TAP1: variants seen among roughly 807,000 people sequenced by gnomAD.
TAP1 encodes the protein antigen peptide transporter 1.
A neutral mutation model predicts 79.3 loss-of-function variants in TAP1; 56 were observed. That is an observed-to-expected ratio of 0.71 (90% confidence interval 0.57 to 0.88). The LOEUF (loss-of-function observed/expected upper bound fraction) is 0.88. Ranked by LOEUF, TAP1 falls within the 40% of genes least tolerant of loss-of-function variation. TAP1 has a pLI of 0.00. For missense variants in TAP1, 737 were observed against 936.3 expected (o/e 0.79, Z 2.78); for synonymous variants, 355 against 401.4 (o/e 0.88, Z 1.38).
chr6:32,849,461 G>A (rs1770649735), intron 5 of TAP1: 2 of 381,048 alleles, frequency 5.2e-6, no homozygotes, highest in Non-Finnish European at 9.9e-6. Context: ...GAAACAACCA[G>A]TCGGGCGCAG....
At position 32,852,736 on chromosome 6, in the gene TAP1, T is replaced by C. The variant is rs1485657031; in HGVS notation, c.599-234A>G. ...ATTAGGAAGGCTGGAGATCATGAAG[T>C]AGAAAAGCCTCCTGTTAGAGATGAG... On this transcript the variant is annotated intron_variant, in intron 1 of 10. Coordinates refer to ENST00000354258, the MANE Select transcript of TAP1 (RefSeq NM_000593.6). This position sits in a 1 kb window ranked among gnomAD's most constrained non-coding sequence, Gnocchi z 4.8. 3 of 1,447,206 alleles carry C rather than the reference T, an allele frequency of 2.1e-6. No homozygotes were observed. The highest frequency in any genetic ancestry group is 2.7e-6 in the Non-Finnish European group (3 of 1,107,910). The allele number at this position is 1,447,206 out of a possible 1,614,324, so 89.6% of individuals were successfully genotyped here.
Position 32,851,047 on chromosome 6 carries a change from A to G in TAP1, c.947T>C (p.Leu316Pro). 6.2e-7 allele frequency: 1 copy of G among 1,613,062 alleles called. No homozygotes were observed. Among genetic ancestry groups the G allele is most frequent in the Non-Finnish European group, 8.5e-7 (1 of 1,180,030 alleles). The change falls in exon 4 of 11, where the codon CTC becomes CCC. Residue 316 changes from leucine to proline, a missense_variant. Leu to Pro is a moderately conservative substitution (Grantham distance 98). Around this residue, in one of 5 missense-constraint regions of TAP1, gnomAD observed 406 missense variants for 477.2 expected, o/e 0.85. Transcript: ENST00000354258. This position sits in a 1 kb window ranked among gnomAD's most constrained non-coding sequence, Gnocchi z 4.8. The stretch of plus-strand genomic sequence containing the variant: ...TGATCCCCAGAGCATGATCCCCAAG[A>G]GACATAGGCCTCGCACCAGGTACCA... ...FLWYLVRGLCLLGIMLWGSVS... is the reference protein window; with the variant it reads ...FLWYLVRGLCPLGIMLWGSVS...
At position 32,849,048 on chromosome 6, in the gene TAP1, C is replaced by T; in HGVS notation, c.1319G>A (p.Ser440Asn). The T allele has an allele frequency of 6.2e-7, 1 of 1,604,924 alleles. No homozygotes were observed. Among genetic ancestry groups the T allele is most frequent in the African/African-American group, 1.3e-5 (1 of 74,994 alleles). Reference sequence around the variant, plus strand: ...AACAAATGTGACAAGGTTCCCACTGCTTACAGCCCCACTGGTCACCAGCTG... The same window carrying T: ...AACAAATGTGACAAGGTTCCCACTGTTTACAGCCCCACTGGTCACCAGCTG... Reference protein sequence around the residue: ...GGQLVTSGAVSSGNLVTFVLY... With the variant: ...GGQLVTSGAVNSGNLVTFVLY... Residue 440 changes from serine (S) to asparagine (N), a missense_variant, in exon 6 of 11, where the codon AGC (serine) becomes AAC (asparagine). Ser to Asn is a conservative substitution (Grantham distance 46, BLOSUM62 1). Transcript: ENST00000354258.
At position 32,850,020 on chromosome 6, in the gene TAP1, G is replaced by T. The variant is rs2395270; in HGVS notation, c.1248+300C>A. The T allele has an allele frequency of 0.032, 16,342 of 513,844 alleles. 343 individuals carry two copies. Among genetic ancestry groups the T allele is most frequent in the South Asian group, 0.059 (2,843 of 48,062 alleles). 31.8% of individuals were successfully genotyped at this position (513,844 alleles called of 1,614,324 possible). On this transcript the variant is annotated intron_variant, in intron 5 of 10. Transcript: ENST00000354258. This position sits in a 1 kb window ranked among gnomAD's most constrained non-coding sequence, Gnocchi z 5.5. ...AGTCCCAGGTGCAAGAATTTATGGC[G>T]CCCTGCACTTCCCCTGAGAGGCAAA...
rs1269998578 is a variant in TAP1 at position 32,852,907 on chromosome 6, A to G, written c.598+132T>C. On this transcript the variant is annotated intron_variant, in intron 1 of 10. Transcript: ENST00000354258. The surrounding 1 kb of genome is among the most constrained non-coding windows in gnomAD (Gnocchi z 4.8). The stretch of plus-strand genomic sequence containing the variant: ...TCTTCTACACCGAAGTGGTGTTCCA[A>G]GACCCACGCTAGGAGTCCTTCTCCT... 6.8e-7 allele frequency: 1 copy of G among 1,466,478 alleles called. No homozygotes were observed. The highest frequency in any genetic ancestry group is 9.0e-7 in the Non-Finnish European group (1 of 1,108,556). The allele number at this position is 1,466,478 out of a possible 1,614,324, so 90.8% of individuals were successfully genotyped here.
Position 32,852,910 on chromosome 6 carries a change from C to A in TAP1, c.598+129G>T, listed in dbSNP as rs1222616293. 15 of 1,468,842 alleles carry A rather than the reference C, an allele frequency of 1.0e-5. No homozygotes were observed. The highest frequency in any genetic ancestry group is 1.4e-5 in the Non-Finnish European group (15 of 1,109,480). The allele number at this position is 1,468,842 out of a possible 1,614,324, so 91.0% of individuals were successfully genotyped here. On this transcript the variant is annotated intron_variant, in intron 1 of 10. Transcript: ENST00000354258. The surrounding 1 kb of genome is among the most constrained non-coding windows in gnomAD (Gnocchi z 4.8). ...TCTACACCGAAGTGGTGTTCCAAGA[C>A]CCACGCTAGGAGTCCTTCTCCTGCT...
At position 32,845,815 on chromosome 6, in the gene TAP1, G is replaced by T; in HGVS notation, c.2041-30C>A. 1 of 1,592,180 alleles carries T rather than the reference G, an allele frequency of 6.3e-7. No homozygotes were observed. Among genetic ancestry groups the T allele is most frequent in the East Asian group, 2.2e-5 (1 of 44,714 alleles). ...GGAAAGACATCGGACCGTCAGAGCC[G>T]GGGACTACCCTCAGCCCAGGGAGAC... On this transcript the variant is annotated intron_variant, in intron 10 of 10. Coordinates refer to ENST00000354258, the MANE Select transcript of TAP1 (RefSeq NM_000593.6). This position sits in a 1 kb window ranked among gnomAD's most constrained non-coding sequence, Gnocchi z 4.5.
intron 7 of TAP1, 36 bp downstream of exon 7, chr6:32,848,616 T>C (rs1467106394): frequency 1.2e-6 from 2 of 1,609,974 alleles, no homozygotes; most frequent in African/African-American, 2.7e-5. Context: ...GAATTGCAGT[T>C]GGGGCCAGTG....
chr6:32,849,369 A>G (rs958292870), intron 5 of TAP1: 5 of 586,790 alleles, frequency 8.5e-6, no homozygotes, highest in African/African-American at 1.9e-5. Context: ...CTCTTCACAA[A>G]AGGCTTTCAT....
chr6:32,851,924 T>TGAGAGAGAGAGA lies in TAP1; in HGVS notation c.844+173_844+184dup, dbSNP rs35429362. Among the ~76,000 whole-genome samples the TGAGAGAGAGAGA allele has an allele frequency of 6.5e-4, 96 of 147,432 alleles. No homozygotes were observed. In the East Asian group the frequency reaches 0.017, roughly 27 times the overall value. On this transcript the variant is annotated intron_variant, in intron 3 of 10. Coordinates refer to ENST00000354258, the MANE Select transcript of TAP1 (RefSeq NM_000593.6). This position sits in a 1 kb window ranked among gnomAD's most constrained non-coding sequence, Gnocchi z 4.8. The stretch of plus-strand genomic sequence containing the variant: ...AAAAACAATTGTGTGTGTGTGTGTG[T>TGAGAGAGAGAGA]GAGAGAGAGAGAGAGAGAGACAGAG...
chr6:32,852,690 T>C lies in TAP1; in HGVS notation c.599-188A>G, dbSNP rs1169994079. On this transcript the variant is annotated intron_variant, in intron 1 of 10. Transcript: ENST00000354258. The surrounding 1 kb of genome is among the most constrained non-coding windows in gnomAD (Gnocchi z 4.8). ...GGAACTCACTACCCTGTGGTTGCTC[T>C]ACCAGAACTTTCAGGATTTTATTAG... 2 of 1,475,418 alleles carry C rather than the reference T, an allele frequency of 1.4e-6. No homozygotes were observed. Among genetic ancestry groups the C allele is most frequent in the Non-Finnish European group, 1.8e-6 (2 of 1,118,688 alleles). The allele number at this position is 1,475,418 out of a possible 1,614,324, so 91.4% of individuals were successfully genotyped here. A position where few individuals can be genotyped will look rare whatever the true frequency, so the allele number is the denominator to read the frequency against.
chr6:32,847,831 T>C lies in TAP1; in HGVS notation c.1740+88A>G, dbSNP rs547655534. On this transcript the variant is annotated intron_variant, in intron 8 of 10. Transcript: ENST00000354258. This position sits in a 1 kb window ranked among gnomAD's most constrained non-coding sequence, Gnocchi z 4.7. ...CATCTCCACCCAAGGTCTCTTATCA[T>C]TCCCTAACCCCTCTTTCAGAGTGCT... is the stretch of plus-strand genomic sequence containing the variant. 212 of 1,598,274 alleles carry C rather than the reference T, an allele frequency of 1.3e-4. 1 individual carries two copies. In the African/African-American group the frequency reaches 2.4e-3, roughly 18 times the overall value.
chr6:32,852,502 C>T lies in TAP1; in HGVS notation c.599G>A (p.Gly200Glu), dbSNP rs1770853173. 6.8e-6 allele frequency: 11 copies of T among 1,612,844 alleles called. No homozygotes were observed. The highest frequency in any genetic ancestry group is 9.3e-6 in the Non-Finnish European group (11 of 1,179,988). Residue 200 changes from glycine to glutamate, a missense_variant and splice_region_variant, in exon 2 of 11, where the codon GGG becomes GAG. This residue lies in a region of TAP1 where 406 missense variants were observed against 477.2 expected (regional missense o/e 0.85). Transcript: ENST00000354258. The surrounding 1 kb of genome is among the most constrained non-coding windows in gnomAD (Gnocchi z 4.8). ...CGTAAAGAATGGAATGGCCATCTCC[C>T]CTGGAGAAAGAGAAGAGAGGTCACG... ...FLVLVVLSSLGEMAIPFFTGR... is the reference protein window; with the variant it reads ...FLVLVVLSSLEEMAIPFFTGR...
chr6:32,853,475 C>A lies in TAP1; in HGVS notation c.162G>T (p.Leu54=). Residue 54 remains leucine, a synonymous_variant, in exon 1 of 11, where the codon CTG becomes CTT. Coordinates refer to ENST00000354258, the MANE Select transcript of TAP1 (RefSeq NM_000593.6). The surrounding 1 kb of genome is among the most constrained non-coding windows in gnomAD (Gnocchi z 8.3). ...TCAGGCCCACCGCCCAGACCCGGAG[C>A]AGTGGCAGCGCGGTGGGCACCAGCA... ...FSLLVPTALP[L]LRVWAVGLSR... is the part of the protein sequence containing the mutation. The A allele has an allele frequency of 6.2e-7, 1 of 1,610,342 alleles. No homozygotes were observed. Among genetic ancestry groups the A allele is most frequent in the Non-Finnish European group, 8.5e-7 (1 of 1,178,170 alleles).
chr6:32,845,852 CAGGG>C lies in TAP1; in HGVS notation c.2041-71_2041-68del. 7.1e-7 allele frequency: 1 copy of C among 1,412,932 alleles called. No homozygotes were observed. Among genetic ancestry groups the C allele is most frequent in the Non-Finnish European group, 9.8e-7 (1 of 1,021,988 alleles). 87.5% of individuals were successfully genotyped at this position (1,412,932 alleles called of 1,614,324 possible). ...CAGCCCAGGGAGACACCTGTGTTTC[CAGGG>C]CTGGGACTGACCTCACAGGATCACT... On this transcript the variant is annotated intron_variant, in intron 10 of 10. Transcript: ENST00000354258. This position sits in a 1 kb window ranked among gnomAD's most constrained non-coding sequence, Gnocchi z 4.5.
At position 32,852,093 on chromosome 6, in the gene TAP1, G is replaced by A. The variant is rs1171697678; in HGVS notation, c.844+16C>T. On this transcript the variant is annotated intron_variant, in intron 3 of 10. Transcript: ENST00000354258. The surrounding 1 kb of genome is among the most constrained non-coding windows in gnomAD (Gnocchi z 4.8). ...GAACAGTACATGGCGTATAATGAAA[G>A]AGTTTCAGGAGAAACCTGTCTGGTT... is the stretch of plus-strand genomic sequence containing the variant. The A allele has an allele frequency of 6.2e-7, 1 of 1,612,948 alleles. No individual in the cohort carries two copies. The highest frequency in any genetic ancestry group is 1.1e-5 in the South Asian group (1 of 91,076).
rs1482386415 is a variant in TAP1 at position 32,852,261 on chromosome 6, A to G, written c.714-22T>C. ...TGCACTATAAAGAACCCGGAAAAAA[A>G]GGGGATCAGGGTGTGTTCAGGGAAC... On this transcript the variant is annotated intron_variant, in intron 2 of 10. Transcript: ENST00000354258. This position sits in a 1 kb window ranked among gnomAD's most constrained non-coding sequence, Gnocchi z 4.8. The G allele has an allele frequency of 1.2e-6, 2 of 1,612,894 alleles. No homozygotes were observed. The highest frequency in any genetic ancestry group is 1.7e-6 in the Non-Finnish European group (2 of 1,180,010).
At chr6:32,849,199 G>A in intron 5 of TAP1, 81 bp from the exon 6 acceptor site, 1 of 1,517,622 alleles carries the variant, frequency 6.6e-7, no homozygotes, top group Non-Finnish European at 8.9e-7. Flanking sequence ...TAACCTGAAG[G>A]AAATATCAAG....
In TAP1 at chr6:32,847,177, G is replaced by A. The variant is rs896543919; in HGVS notation, c.1931C>T (p.Ser644Leu). The A allele has an allele frequency of 1.9e-6, 3 of 1,612,484 alleles. No homozygotes were observed. The highest frequency in any genetic ancestry group is 2.5e-6 in the Non-Finnish European group (3 of 1,180,030). The change falls in exon 10 of 11, where the codon TCA (serine) becomes TTA (leucine). Residue 644 changes from serine to leucine, a missense_variant. Transcript: ENST00000354258. The surrounding 1 kb of genome is among the most constrained non-coding windows in gnomAD (Gnocchi z 4.7). Reference protein sequence around the residue: ...TEVDEAGSQLSGGQRQAVALA... With the variant: ...TEVDEAGSQLLGGQRQAVALA... ...CGCCACTGCCTGTCGCTGACCCCCT[G>A]ACAGCTGGCTCCCAGCCTCGTCTAC...
Sources: gnomAD v4.1 joint callset for allele counts (sites outside exome capture counted in the v4.1 genomes callset) on GRCh38, gnomAD v4.1.1 for gene constraint, gnomAD v4.1.1 regional missense constraint, Gnocchi (gnomAD v3.1) non-coding constraint, MANE v1.5 for transcripts, NCBI Gene and HGNC (gene_info 2026-07-23, HGNC 2026-07-21) for gene names.